The following GULP1 variants were observed in gnomAD, a reference collection of about 807,000 sequenced individuals.
GULP1 encodes the protein PTB domain-containing engulfment adapter protein 1.
GULP1 carries 19 observed loss-of-function variants against 40.9 expected under a neutral mutation model. The ratio of observed to expected loss-of-function variants is 0.46; its 90% CI spans 0.32 to 0.68. The LOEUF (loss-of-function observed/expected upper bound fraction) is 0.68. Among genes scored for constraint, GULP1 ranks in the 30% least tolerant of loss-of-function variants. The pLI, the probability that GULP1 is intolerant of heterozygous loss-of-function variation, is 0.03. For missense variants in GULP1, 312 were observed against 362.2 expected (o/e 0.86, Z 1.12); for synonymous variants, 119 against 117.6 (o/e 1.01, Z -0.08).
At chr2:188,473,779 G>A (rs1201808220) in intron 2 of GULP1, among the ~76,000 whole-genome samples, 1 of 152,120 alleles carries the variant, frequency 6.6e-6, no homozygotes, top group Non-Finnish European at 1.5e-5. Context: ...CACTGTGGCT[G>A]AGCTGGTATC....
At position 188,319,041 on chromosome 2, in the gene GULP1, T is replaced by G. The variant is rs143879711; in HGVS notation, c.-172+26875T>G. Among the ~76,000 whole-genome samples the G allele has an allele frequency of 7.0e-3, 1,059 of 151,224 alleles. 9 individuals are homozygous for G. Among genetic ancestry groups the G allele is most frequent in the Non-Finnish European group, 0.013 (869 of 67,694 alleles). Reference sequence around the variant, plus strand: ...TTTGTTTTCTAAACATTTTTAAATCTGTGGAATAAACTCTGTAGAATTTAG... The same window carrying G: ...TTTGTTTTCTAAACATTTTTAAATCGGTGGAATAAACTCTGTAGAATTTAG... On this transcript the variant is annotated intron_variant, in intron 1 of 11. Transcript: ENST00000409830.
intron 1 of GULP1, among the ~76,000 whole-genome samples, chr2:188,303,653 G>A (rs927675233): frequency 2.0e-5 from 3 of 152,178 alleles, no homozygotes; most frequent in African/African-American, 4.8e-5. Context: ...GGGTTGGAGG[G>A]AAACATAGCC....
chr2:188,547,545 A>C (rs147487069), intron 7 of GULP1, among the ~76,000 whole-genome samples: 1,543 of 152,218 alleles, frequency 0.01, 19 homozygotes, highest in Admixed American at 0.035. Context: ...TGGGAGGTTA[A>C]GCCAGTCTAG....
chr2:188,309,908 G>A (rs1398246062), intron 1 of GULP1, among the ~76,000 whole-genome samples: 1 of 152,204 alleles, frequency 6.6e-6, no homozygotes, highest in Non-Finnish European at 1.5e-5. Flanking sequence ...TATTCTTAAT[G>A]TCAGAGAAGA....
At chr2:188,326,412 G>T (rs867509810) in intron 1 of GULP1, among the ~76,000 whole-genome samples, 1 of 152,046 alleles carries the variant, frequency 6.6e-6, no homozygotes, top group South Asian at 2.1e-4. Context: ...GATTAAAATA[G>T]TTTGCCTTTT....
chr2:188,349,480 C>A (rs2044155280), intron 1 of GULP1, among the ~76,000 whole-genome samples: 1 of 152,128 alleles, frequency 6.6e-6, no homozygotes, highest in Admixed American at 6.6e-5. Flanking sequence ...ATTTGCATTT[C>A]TCTGATGGCT....
At chr2:188,449,076 C>T (rs1040491109) in intron 2 of GULP1, among the ~76,000 whole-genome samples, 1 of 152,088 alleles carries the variant, frequency 6.6e-6, no homozygotes, top group Non-Finnish European at 1.5e-5. Flanking sequence ...CAGCCAAACA[C>T]AGAAAATATG....
At chr2:188,524,371 A>C (rs1046936172) in intron 5 of GULP1, among the ~76,000 whole-genome samples, 17 of 152,240 alleles carry the variant, frequency 1.1e-4, no homozygotes, top group African/African-American at 3.4e-4. Context: ...TTAATAAAAG[A>C]ATGTGACCTA....
intron 2 of GULP1, among the ~76,000 whole-genome samples, chr2:188,425,255 G>A (rs1230535013): frequency 2.0e-5 from 3 of 151,956 alleles, no homozygotes; most frequent in Non-Finnish European, 2.9e-5. Flanking sequence ...TTATTTTCTA[G>A]CATTGTTTAA....
intron 7 of GULP1, among the ~76,000 whole-genome samples, chr2:188,548,226 T>C (rs1692491969): frequency 6.6e-6 from 1 of 151,966 alleles, no homozygotes; most frequent in Admixed American, 6.6e-5. Flanking sequence ...AAGTAGAAAA[T>C]TTTGAGTCTA....
At chr2:188,380,568 G>GA (rs2048888267) in intron 1 of GULP1, among the ~76,000 whole-genome samples, 1 of 152,028 alleles carries the variant, frequency 6.6e-6, no homozygotes, top group African/African-American at 2.4e-5. Context: ...AAATAGAAAA[G>GA]AAAATCAGGG....
intron 1 of GULP1, among the ~76,000 whole-genome samples, chr2:188,339,029 C>T (rs758690445): frequency 6.6e-6 from 1 of 152,152 alleles, no homozygotes; most frequent in African/African-American, 2.4e-5. Flanking sequence ...AATCCATCTT[C>T]CAGTGCCTCT....
intron 4 of GULP1, among the ~76,000 whole-genome samples, chr2:188,511,412 C>T (rs1005364753): frequency 6.6e-6 from 1 of 152,126 alleles, no homozygotes; most frequent in Admixed American, 6.6e-5. Context: ...CTCCAAACCC[C>T]ATGCTTTTGG....
At chr2:188,389,758 C>T (rs1471455335) in intron 2 of GULP1, among the ~76,000 whole-genome samples, 4 of 151,976 alleles carry the variant, frequency 2.6e-5, no homozygotes, top group African/African-American at 9.7e-5. Context: ...TATTCCTCAC[C>T]CAGTTCCCAC....
intron 4 of GULP1, among the ~76,000 whole-genome samples, chr2:188,494,580 C>G (rs1395943903): frequency 1.3e-5 from 2 of 152,024 alleles, no homozygotes; most frequent in Non-Finnish European, 2.9e-5. Context: ...CAGACCCGTA[C>G]AGTAGTGTCC....
Position 188,449,978 on chromosome 2 carries a change from A to G in GULP1, c.-44-27681A>G, listed in dbSNP as rs560226076. 1.3e-5 allele frequency among the ~76,000 whole-genome samples: 2 copies of G among 152,306 alleles called. 1 individual carries two copies. The highest frequency in any genetic ancestry group is 4.8e-5 in the African/African-American group (2 of 41,572). ...CTTTTCTTCTCTTTCAGTAGTACAC[A>G]TTTAGATTTCAGCTTATTTATTCTA... is the stretch of plus-strand genomic sequence containing the variant. On this transcript the variant is annotated intron_variant, in intron 2 of 11. Transcript: ENST00000409830.
chr2:188,427,757 C>G (rs1231872868), intron 2 of GULP1, among the ~76,000 whole-genome samples: 2 of 152,202 alleles, frequency 1.3e-5, no homozygotes, highest in Non-Finnish European at 2.9e-5. Flanking sequence ...GTGGAACCCT[C>G]ATGGAGAACC....
At chr2:188,557,222 C>G (rs1416484574) in intron 7 of GULP1, among the ~76,000 whole-genome samples, 1 of 152,126 alleles carries the variant, frequency 6.6e-6, no homozygotes, top group Admixed American at 6.5e-5. Flanking sequence ...CAGCAGTCCC[C>G]AAAGTCTTAA....
intron 2 of GULP1, among the ~76,000 whole-genome samples, chr2:188,450,447 A>T (rs1409580532): frequency 6.6e-6 from 1 of 152,162 alleles, no homozygotes; most frequent in Non-Finnish European, 1.5e-5. Flanking sequence ...TACCTGGAGT[A>T]ATTAGATGTA....
Sources: gnomAD v4.1 joint callset for allele counts (sites outside exome capture counted in the v4.1 genomes callset) on GRCh38, gnomAD v4.1.1 for gene constraint, MANE v1.5 for transcripts, NCBI Gene and HGNC (gene_info 2026-07-23, HGNC 2026-07-21) for gene names.